Variants in MASTL observed in about 807,000 individuals in gnomAD.
MASTL encodes the protein microtubule associated serine/threonine kinase like.
In MASTL, 54 loss-of-function variants were observed where a neutral mutation model predicts 82.5. The observed-to-expected ratio is 0.65, with a 90% CI of 0.53 to 0.82. The LOEUF is 0.82. Ranked by LOEUF, MASTL falls within the 40% of genes least tolerant of loss-of-function variation. The pLI is 0.00. For synonymous variants in MASTL, 323 were observed against 368.9 expected, an observed-to-expected ratio of 0.88 and a Z score of 1.43; for missense variants, 950 against 1,047.8, an observed-to-expected ratio of 0.91 and a Z score of 1.29.
At chr10:27,172,059 C>T (rs2057965170) in intron 8 of MASTL, among the ~76,000 whole-genome samples, 1 of 151,718 alleles carries the variant, frequency 6.6e-6, no homozygotes, top group Admixed American at 6.6e-5. Flanking sequence ...GATCTCTTGA[C>T]CTTGTGATCT....
At chr10:27,169,256 T>C (rs560626470) in intron 7 of MASTL, among the ~76,000 whole-genome samples, 4 of 152,230 alleles carry the variant, frequency 2.6e-5, no homozygotes, top group Non-Finnish European at 5.9e-5. Flanking sequence ...CCTGTGCATT[T>C]TGCAGTTCAA....
At chr10:27,161,576 T>C (rs1419535212) in intron 4 of MASTL, among the ~76,000 whole-genome samples, 6 of 151,942 alleles carry the variant, frequency 3.9e-5, no homozygotes, top group African/African-American at 1.2e-4. Context: ...TAACAAATTA[T>C]AGAGACTACA....
chr10:27,165,765 T>G (rs1350297582), intron 6 of MASTL, among the ~76,000 whole-genome samples: 1 of 151,404 alleles, frequency 6.6e-6, no homozygotes, highest in Non-Finnish European at 1.5e-5. Context: ...GCTGGGCATG[T>G]TGGTGCACAC....
At chr10:27,179,226 A>G (rs1430054039) in intron 9 of MASTL, among the ~76,000 whole-genome samples, 7 of 152,238 alleles carry the variant, frequency 4.6e-5, no homozygotes, top group Non-Finnish European at 8.8e-5. Context: ...AAACCAGTTT[A>G]TAGTTTATAA....
chr10:27,187,877 CATT>C lies in MASTL; in HGVS notation c.*1344_*1346del, dbSNP rs1434851772. The stretch of plus-strand genomic sequence containing the variant: ...ATTGTCATTTATTTAAAACATGCAA[CATT>C]ATCAGAAACAGATTGGTCCTTAAAA... On this transcript the variant is annotated 3_prime_UTR_variant, in exon 12 of 12. Coordinates refer to ENST00000375940, the MANE Select transcript of MASTL (RefSeq NM_001172303.3). Among the ~76,000 whole-genome samples the C allele has an allele frequency of 6.6e-6, 1 of 152,118 alleles. No individual in the cohort carries two copies. The highest frequency in any genetic ancestry group is 1.5e-5 in the Non-Finnish European group (1 of 67,996).
In MASTL at chr10:27,170,769, A is replaced by G; in HGVS notation, c.1810A>G (p.Ile604Val). ...AGAATCCTCTTTTGAAGAATCAAAT[A>G]TTGAAGATCCACTTATTGTAACACC... ...IKESSFEESN[I>V]EDPLIVTPDC... is the part of the protein sequence containing the mutation. The change falls in exon 8 of 12, where the codon ATT becomes GTT. Residue 604 changes from isoleucine (I) to valine (V), a missense_variant. Physicochemically the swap from Ile to Val is conservative, Grantham distance 29 (BLOSUM62 3). Transcript: ENST00000375940. 1 of 1,614,134 alleles carries G rather than the reference A, an allele frequency of 6.2e-7. No homozygotes were observed. The highest frequency in any genetic ancestry group is 8.5e-7 in the Non-Finnish European group (1 of 1,180,006).
chr10:27,159,842 A>C lies in MASTL; in HGVS notation c.464+84A>C, dbSNP rs917782451. On this transcript the variant is annotated intron_variant, in intron 3 of 11. Transcript: ENST00000375940. This position sits in a 1 kb window ranked among gnomAD's most constrained non-coding sequence, Gnocchi z 4.0. The stretch of plus-strand genomic sequence containing the variant: ...TGAGTCTCAGATATTCACAGTAACC[A>C]CTTGCACTTATTTCCAGGTTATCTA... 1 of 1,163,752 alleles carries C rather than the reference A, an allele frequency of 8.6e-7. No homozygotes were observed. The highest frequency in any genetic ancestry group is 1.3e-6 in the Non-Finnish European group (1 of 781,050). The allele number at this position is 1,163,752 out of a possible 1,614,324, so 72.1% of individuals were successfully genotyped here.
At position 27,170,680 on chromosome 10, in the gene MASTL, C is replaced by G; in HGVS notation, c.1721C>G (p.Pro574Arg). 6.2e-7 allele frequency: 1 copy of G among 1,611,994 alleles called. No individual in the cohort carries two copies. Among genetic ancestry groups the G allele is most frequent in the Non-Finnish European group, 8.5e-7 (1 of 1,179,540 alleles). ...TCTATGAACTCTGATTCATCTTTTC[C>G]TGGAATTTCTATAATGGAAAGTCCA... Reference protein sequence around the residue: ...NISMNSDSSFPGISIMESPLE... With the variant: ...NISMNSDSSFRGISIMESPLE... The change falls in exon 8 of 12, where the codon CCT becomes CGT. Residue 574 changes from proline (P) to arginine (R), a missense_variant. Pro to Arg is a moderately radical substitution (Grantham distance 103, BLOSUM62 -2). Coordinates refer to ENST00000375940, the MANE Select transcript of MASTL (RefSeq NM_001172303.3).
At chr10:27,182,413 ATT>A (rs1350231928) in intron 11 of MASTL, among the ~76,000 whole-genome samples, 1 of 152,068 alleles carries the variant, frequency 6.6e-6, no homozygotes, top group Non-Finnish European at 1.5e-5. Flanking sequence ...GGCAAAAAAA[ATT>A]TAGTGTGGTC....
chr10:27,169,829 C>T (rs2057862204), intron 7 of MASTL, 115 bp from the exon 8 acceptor site: 1 of 969,336 alleles, frequency 1.0e-6, no homozygotes, highest in South Asian at 1.5e-5. Flanking sequence ...TTGAAAGTGG[C>T]AACAGGTAGC....
Position 27,163,697 on chromosome 10 carries a change from C to CT in MASTL, c.554-1366dup, listed in dbSNP as rs532282311. Among the ~76,000 whole-genome samples the CT allele has an allele frequency of 3.4e-3, 521 of 151,392 alleles. 2 individuals carry two copies. Among genetic ancestry groups the CT allele is most frequent in the Non-Finnish European group, 5.8e-3 (393 of 67,900 alleles). On this transcript the variant is annotated intron_variant, in intron 4 of 11. Coordinates refer to ENST00000375940, the MANE Select transcript of MASTL (RefSeq NM_001172303.3). ...GAGTGCTGGAGTGCAGGGGCACAAT[C>CT]TAAGTTCACTGCAAGCTCTACCTCC...
chr10:27,180,332 A>C (rs185595105), intron 9 of MASTL, among the ~76,000 whole-genome samples: 1 of 152,236 alleles, frequency 6.6e-6, no homozygotes, highest in Admixed American at 6.5e-5. Flanking sequence ...AGAAGGCCGC[A>C]TGCTGCGCTG....
At chr10:27,179,061 G>A (rs7922972) in intron 9 of MASTL, among the ~76,000 whole-genome samples, 103,196 of 152,024 alleles carry the variant, frequency 0.68, 35,229 homozygotes, top group Non-Finnish European at 0.7. Flanking sequence ...TTTAACCACA[G>A]TAAAGAATTT....
intron 10 of MASTL, 37 bp from the exon 11 acceptor site, chr10:27,181,443 G>A (rs747481698): frequency 1.4e-6 from 2 of 1,386,614 alleles, no homozygotes; most frequent in Non-Finnish European, 2.1e-6. Context: ...ATTTTGAGCA[G>A]TAATAAACAA....
At chr10:27,178,839 TG>T (rs1345299120) in intron 9 of MASTL, among the ~76,000 whole-genome samples, 1 of 152,168 alleles carries the variant, frequency 6.6e-6, no homozygotes, top group Non-Finnish European at 1.5e-5. Context: ...CAGTGCTGCT[TG>T]AAAGGCCTAC....
intron 1 of MASTL, among the ~76,000 whole-genome samples, 186 bp downstream of exon 1, chr10:27,155,798 G>T (rs2057345499): frequency 6.6e-6 from 1 of 152,132 alleles, no homozygotes; most frequent in Non-Finnish European, 1.5e-5. Flanking sequence ...CGGGTGTCTC[G>T]CCTCTGTTCC....
At chr10:27,177,949 C>G (rs1315741295) in intron 9 of MASTL, 1 of 196,470 alleles carries the variant, frequency 5.1e-6, no homozygotes, top group African/African-American at 2.4e-5. Flanking sequence ...GAACCGTCTT[C>G]TGTTTTCTGA....
intron 9 of MASTL, among the ~76,000 whole-genome samples, chr10:27,178,075 A>G (rs749182186): frequency 1.3e-5 from 2 of 152,140 alleles, no homozygotes; most frequent in Non-Finnish European, 2.9e-5. Context: ...TTTTATTATA[A>G]CAGAAAAAAT....
In MASTL at chr10:27,180,880, C is replaced by A. The variant is rs1000618617; in HGVS notation, c.2267-73C>A. 53 of 1,035,578 alleles carry A rather than the reference C, an allele frequency of 5.1e-5. No homozygotes were observed. The East Asian group carries it at 1.1e-3, about 21-fold the overall frequency. The allele number at this position is 1,035,578 out of a possible 1,614,324, so 64.1% of individuals were successfully genotyped here. On this transcript the variant is annotated intron_variant, in intron 9 of 11. Coordinates refer to ENST00000375940, the MANE Select transcript of MASTL (RefSeq NM_001172303.3). Reference sequence around the variant, plus strand: ...CTCGTTTTCCCTAATTAGGACTCCACAATTAATATTTCTGTTCATCAAATA... The same window carrying A: ...CTCGTTTTCCCTAATTAGGACTCCAAAATTAATATTTCTGTTCATCAAATA...
Sources: gnomAD v4.1 joint callset for allele counts (sites outside exome capture counted in the v4.1 genomes callset) on GRCh38, gnomAD v4.1.1 for gene constraint, Gnocchi (gnomAD v3.1) non-coding constraint, MANE v1.5 for transcripts, NCBI Gene and HGNC (gene_info 2026-07-23, HGNC 2026-07-21) for gene names.